The following GLYATL2 variants were observed in gnomAD, a reference collection of about 807,000 sequenced individuals.
The protein encoded by GLYATL2 is glycine-N-acyltransferase like 2.
GLYATL2 carries 25 observed loss-of-function variants against 21.4 expected under a neutral mutation model. That is an observed-to-expected ratio of 1.17 (90% CI 0.85 to 1.63). The LOEUF is 1.63. Ranked by LOEUF, GLYATL2 falls within the 40% of genes most tolerant of loss-of-function variation. The pLI is 0.00. For missense variants in GLYATL2, 361 were observed against 343.3 expected (o/e 1.05, Z -0.41); for synonymous variants, 114 against 118.2 (o/e 0.96, Z 0.23).
At chr11:58,874,815 C>T (rs184156784) in intron 1 of GLYATL2, among the ~76,000 whole-genome samples, 17 of 152,272 alleles carry the variant, frequency 1.1e-4, no homozygotes, top group Non-Finnish European at 2.9e-5. Flanking sequence ...CTGCTTGGTG[C>T]AGAGCTGAGT....
rs144745728 is a variant in GLYATL2, at chr11:58,881,885, G to A, written n.60+22271C>T. ...AGTTTGTTCAGAATGATGGTTTCCA[G>A]CTTCATCAATGTCCCTACAAAGGAC... is the stretch of plus-strand genomic sequence containing the variant. On this transcript the variant is annotated intron_variant and non_coding_transcript_variant, in intron 1 of 4. Transcript: ENST00000533636. 9.2e-3 allele frequency among the ~76,000 whole-genome samples: 1,407 copies of A among 152,246 alleles called. 9 individuals carry two copies. Among genetic ancestry groups the A allele is most frequent in the Non-Finnish European group, 0.015 (1,053 of 68,022 alleles).
chr11:58,853,032 C>T (rs781523686), intron 1 of GLYATL2, among the ~76,000 whole-genome samples: 10 of 152,088 alleles, frequency 6.6e-5, no homozygotes, highest in African/African-American at 2.2e-4. Context: ...TTGATTTGCA[C>T]GTGTAATCAA....
upstream of GLYATL2, among the ~76,000 whole-genome samples, chr11:58,846,550 C>G (rs1374857282): frequency 6.6e-6 from 1 of 151,672 alleles, no homozygotes; most frequent in Non-Finnish European, 1.5e-5. Flanking sequence ...AATTATGAGG[C>G]ATTGAACTCA....
chr11:58,851,896 A>G (rs1853747960), intron 1 of GLYATL2, among the ~76,000 whole-genome samples: 1 of 152,218 alleles, frequency 6.6e-6, no homozygotes, highest in Non-Finnish European at 1.5e-5. Context: ...AGCTAGCATG[A>G]TAGCCTACTG....
chr11:58,839,853 C>A (rs1853512658), intron 1 of GLYATL2, among the ~76,000 whole-genome samples: 2 of 148,150 alleles, frequency 1.3e-5, no homozygotes, highest in African/African-American at 5.0e-5. Flanking sequence ...CCTTAGTAAT[C>A]TCCATACAAT....
intron 1 of GLYATL2, among the ~76,000 whole-genome samples, chr11:58,856,879 A>G (rs763498869): frequency 6.6e-6 from 1 of 152,244 alleles, no homozygotes; most frequent in Non-Finnish European, 1.5e-5. Flanking sequence ...ACAGGAAGGG[A>G]GCACATTTGT....
intron 1 of GLYATL2, among the ~76,000 whole-genome samples, chr11:58,881,767 G>A (rs1208991139): frequency 1.3e-5 from 2 of 152,102 alleles, no homozygotes; most frequent in African/African-American, 2.4e-5. Context: ...GCCCCAGTGT[G>A]TGATGTTCCC....
At chr11:58,877,117 G>C (rs138411358) in intron 1 of GLYATL2, among the ~76,000 whole-genome samples, 1 of 152,226 alleles carries the variant, frequency 6.6e-6, no homozygotes, top group Non-Finnish European at 1.5e-5. Context: ...CTGGTGTGCC[G>C]TTTGATAAGC....
intron 1 of GLYATL2, among the ~76,000 whole-genome samples, chr11:58,873,789 T>C (rs1030230435): frequency 2.0e-5 from 3 of 152,236 alleles, no homozygotes; most frequent in Admixed American, 1.3e-4. Context: ...ATCAGGATGA[T>C]GCTGGCCTCA....
At chr11:58,909,444 A>G in the GLYATL2 span, among the ~76,000 whole-genome samples, 1 of 152,220 alleles carries the variant, frequency 6.6e-6, no homozygotes, top group African/African-American at 2.4e-5. Context: ...TGGAGGTGAT[A>G]GATAGGTTGA....
At chr11:58,903,372 A>G (rs891014550) in intron 1 of GLYATL2, among the ~76,000 whole-genome samples, 1 of 152,074 alleles carries the variant, frequency 6.6e-6, no homozygotes, top group Non-Finnish European at 1.5e-5. Context: ...TTTTCCCTGT[A>G]CTTTAATTAT....
chr11:58,856,566 T>A lies in GLYATL2; in HGVS notation n.61-18198A>T, dbSNP rs11821978. ...AAATGAAAGACTCATGACTCTTTCC[T>A]TCACTTGAATACTTACAGATCATTG... On this transcript the variant is annotated intron_variant and non_coding_transcript_variant, in intron 1 of 4. Transcript: ENST00000533636. 2.6e-3 allele frequency among the ~76,000 whole-genome samples: 399 copies of A among 152,342 alleles called. 1 individual carries two copies. Among genetic ancestry groups the A allele is most frequent in the African/African-American group, 9.0e-3 (374 of 41,584 alleles).
chr11:58,877,366 C>T (rs1356092410), intron 1 of GLYATL2, among the ~76,000 whole-genome samples: 2 of 152,220 alleles, frequency 1.3e-5, no homozygotes, highest in African/African-American at 4.8e-5. Flanking sequence ...CTGTGTCGCT[C>T]ACACTGGGAG....
chr11:58,878,488 A>C, intron 1 of GLYATL2: 1 of 210,512 alleles, frequency 4.8e-6, no homozygotes. Flanking sequence ...TGCAACAGAA[A>C]ATGGACTAGG....
chr11:58,856,982 T>C (rs574520311), intron 1 of GLYATL2, among the ~76,000 whole-genome samples: 3 of 152,324 alleles, frequency 2.0e-5, no homozygotes, highest in Non-Finnish European at 4.4e-5. Context: ...TACAATAAAG[T>C]GAAATGCAAT....
intron 1 of GLYATL2, among the ~76,000 whole-genome samples, chr11:58,859,706 G>A (rs965032163): frequency 1.3e-5 from 2 of 152,090 alleles, no homozygotes; most frequent in African/African-American, 4.8e-5. Context: ...CTAATATCAG[G>A]AAGCTTTTCT....
chr11:58,853,246 A>G (rs1185808539), intron 1 of GLYATL2, among the ~76,000 whole-genome samples: 3 of 152,208 alleles, frequency 2.0e-5, no homozygotes, highest in Non-Finnish European at 4.4e-5. Context: ...TGACCCTTGA[A>G]CAACATAGGT....
chr11:58,839,424 A>T lies in GLYATL2; in HGVS notation c.78+111T>A, dbSNP rs576125087. The T allele has an allele frequency of 9.3e-5, 56 of 601,322 alleles. No homozygotes were observed. The South Asian group carries it at 1.6e-3, about 17-fold the overall frequency. The allele number at this position is 601,322 out of a possible 1,614,324, so 37.2% of individuals were successfully genotyped here. A position where few individuals can be genotyped will look rare whatever the true frequency, so the allele number is the denominator to read the frequency against. On this transcript the variant is annotated intron_variant, in intron 2 of 5. Coordinates refer to ENST00000287275, the MANE Select transcript of GLYATL2 (RefSeq NM_145016.4). ...TGATATTAAAGTAATCTTTGCACAG[A>T]TTCTCACTTTAGACTTGCATTCCCA...
intron 1 of GLYATL2, among the ~76,000 whole-genome samples, chr11:58,843,240 A>G (rs1291246673): frequency 6.6e-6 from 1 of 152,166 alleles, no homozygotes; most frequent in African/African-American, 2.4e-5. Context: ...ATTTTTTCCT[A>G]TTTCCAAAAT....
Sources: allele counts gnomAD v4.1 joint callset (sites outside exome capture counted in the v4.1 genomes callset), GRCh38; gene constraint gnomAD v4.1.1; transcripts MANE v1.5; gene names NCBI Gene and HGNC (gene_info 2026-07-23, HGNC 2026-07-21).